The following NTN1 variants were observed in gnomAD, a reference collection of about 807,000 sequenced individuals.
The protein encoded by NTN1 is netrin-1.
Under a neutral mutation model 54.2 loss-of-function variants are expected in NTN1, and 11 were observed. The observed-to-expected ratio is 0.20, with a 90% confidence interval of 0.13 to 0.34. NTN1 has a LOEUF of 0.34. NTN1 is among the 10% of genes least tolerant of loss of function. NTN1 has a pLI of 1.00. For synonymous variants in NTN1, 371 were observed against 382.0 expected (o/e 0.97, Z 0.33); for missense variants, 740 against 893.1 (o/e 0.83, Z 2.18).
Position 9,078,258 on chromosome 17 carries a change from A to G in NTN1, c.1018+54867A>G, listed in dbSNP as rs2092058626. 5.3e-5 allele frequency among the ~76,000 whole-genome samples: 8 copies of G among 152,302 alleles called. No individual in the cohort carries two copies. The South Asian group carries it at 1.7e-3, about 32-fold the overall frequency. On this transcript the variant is annotated intron_variant, in intron 2 of 6. Coordinates refer to ENST00000173229, the MANE Select transcript of NTN1 (RefSeq NM_004822.3). ...AAGTATCATAAGCTGTGATTAAGCA[A>G]TGGGGAGGCACAGGTTGCTATCCAA...
At chr17:9,021,479 C>T (rs1043565489), upstream of NTN1, 3 of 150,974 alleles carry the variant, frequency 2.0e-5, no homozygotes, top group Admixed American at 6.6e-5. Flanking sequence ...GGCGGCCCCG[C>T]CCCCCGCCCC....
intron 6 of NTN1, among the ~76,000 whole-genome samples, chr17:9,232,556 A>G (rs1180340240): frequency 1.3e-5 from 2 of 152,144 alleles, no homozygotes; most frequent in African/African-American, 2.4e-5. Flanking sequence ...GGAAACCTTC[A>G]GCCAGCTCTA....
chr17:9,189,736 G>A (rs7211765), intron 5 of NTN1, among the ~76,000 whole-genome samples: 136,132 of 152,066 alleles, frequency 0.9, 61,001 homozygotes, highest in East Asian at 1. Context: ...ATAAACTCAA[G>A]TATCCACTGA....
chr17:9,036,379 T>C (rs950335818), intron 2 of NTN1, among the ~76,000 whole-genome samples: 1 of 126,086 alleles, frequency 7.9e-6, no homozygotes, highest in Non-Finnish European at 1.6e-5. Flanking sequence ...AAGTCGTCTC[T>C]TATCTTTTTT....
At chr17:9,149,772 T>A (rs2092322307) in intron 2 of NTN1, among the ~76,000 whole-genome samples, 1 of 152,024 alleles carries the variant, frequency 6.6e-6, no homozygotes, top group African/African-American at 2.4e-5. Context: ...GGTCTTATTA[T>A]AAGGAAGGAG....
At chr17:9,195,192 A>ACCGCCCCCCCCC (rs3031881) in intron 5 of NTN1, among the ~76,000 whole-genome samples, 12 of 142,496 alleles carry the variant, frequency 8.4e-5, no homozygotes, top group Non-Finnish European at 1.7e-4. Context: ...GGCGAGCTCT[A>ACCGCCCCCCCCC]CCACCCCTCC....
At chr17:9,015,009 A>G in the NTN1 span, among the ~76,000 whole-genome samples, 1 of 152,364 alleles carries the variant, frequency 6.6e-6, no homozygotes, top group Admixed American at 6.5e-5. Context: ...TGGACACAAT[A>G]ATATACCTAT....
intron 6 of NTN1, among the ~76,000 whole-genome samples, chr17:9,227,704 TCACACGCA>T (rs1447988245): frequency 6.0e-5 from 9 of 149,348 alleles, no homozygotes; most frequent in Non-Finnish European, 1.2e-4. Flanking sequence ...GACACACGTA[TCACACGCA>T]CACACACCAC....
chr17:9,229,107 T>A (rs9897497), intron 6 of NTN1, among the ~76,000 whole-genome samples: 3 of 1,240 alleles, frequency 2.4e-3, no homozygotes, highest in Admixed American at 0.01. Context: ...ACTGTGACTG[T>A]GAGTGTGTGA....
chr17:9,046,771 G>A (rs1289110756), intron 2 of NTN1, among the ~76,000 whole-genome samples: 3 of 151,998 alleles, frequency 2.0e-5, no homozygotes, highest in African/African-American at 7.3e-5. Context: ...GGTTGGCAGA[G>A]AAAGACCCTG....
In NTN1 at chr17:9,155,121, C is replaced by T. The variant is rs147972015; in HGVS notation, c.1019-7692C>T. On this transcript the variant is annotated intron_variant, in intron 2 of 6. Transcript: ENST00000173229. Reference sequence around the variant, plus strand: ...GTTGTTCCAGAGAGGTCCAGAAGAACGGCCTCCTTGAGTGTTAGTCTTGAC... The same window carrying T: ...GTTGTTCCAGAGAGGTCCAGAAGAATGGCCTCCTTGAGTGTTAGTCTTGAC... Among the ~76,000 whole-genome samples the T allele has an allele frequency of 2.5e-3, 384 of 152,308 alleles. 2 individuals are homozygous for T. Among genetic ancestry groups the T allele is most frequent in the African/African-American group, 8.6e-3 (359 of 41,560 alleles).
At chr17:9,014,304 C>G in the NTN1 span, among the ~76,000 whole-genome samples, 33 of 152,104 alleles carry the variant, frequency 2.2e-4, no homozygotes, top group African/African-American at 7.7e-4. Context: ...AAAGACTGTC[C>G]CTCGTACTTC....
At chr17:9,193,926 A>AAAAAAAAAAACAAAAC (rs1277619722) in intron 5 of NTN1, among the ~76,000 whole-genome samples, 2 of 134,370 alleles carry the variant, frequency 1.5e-5, no homozygotes, top group African/African-American at 5.7e-5. Context: ...CGACTAAAAA[A>AAAAAAAAAAACAAAAC]AAAAAAAAAA....
intron 2 of NTN1, among the ~76,000 whole-genome samples, chr17:9,107,212 A>G (rs1330947935): frequency 6.6e-6 from 1 of 152,226 alleles, no homozygotes; most frequent in East Asian, 1.9e-4. Flanking sequence ...TTATTACCAT[A>G]TGTGAAACTG....
At chr17:9,024,310 A>G (rs1015698530) in intron 2 of NTN1, among the ~76,000 whole-genome samples, 2 of 152,234 alleles carry the variant, frequency 1.3e-5, no homozygotes, top group Non-Finnish European at 2.9e-5. Flanking sequence ...ATAAAAAGAA[A>G]AAAAGGGTGA....
chr17:9,062,925 T>A (rs2092003364), intron 2 of NTN1, among the ~76,000 whole-genome samples: 1 of 152,198 alleles, frequency 6.6e-6, no homozygotes, highest in African/African-American at 2.4e-5. Flanking sequence ...ATTTTCAGAA[T>A]GTGTTGTATG....
intron 2 of NTN1, among the ~76,000 whole-genome samples, chr17:9,036,528 T>C (rs954084803): frequency 6.6e-6 from 1 of 151,914 alleles, no homozygotes; most frequent in Non-Finnish European, 1.5e-5. Flanking sequence ...CTCAGAGTGC[T>C]TAGATTACAG....
At chr17:9,166,264 C>G (rs147261480) in intron 3 of NTN1, among the ~76,000 whole-genome samples, 2 of 142,144 alleles carry the variant, frequency 1.4e-5, no homozygotes, top group Non-Finnish European at 1.5e-5. Flanking sequence ...TGGTTCCTTG[C>G]GAGGTTTGAT....
chr17:9,072,651 C>T (rs1335176323), intron 2 of NTN1, among the ~76,000 whole-genome samples: 3 of 152,094 alleles, frequency 2.0e-5, no homozygotes, highest in East Asian at 1.9e-4. Flanking sequence ...GGGAATGCAG[C>T]GGTGATGGGA....
Sources: allele counts gnomAD v4.1 joint callset (sites outside exome capture counted in the v4.1 genomes callset), GRCh38; gene constraint gnomAD v4.1.1; transcripts MANE v1.5; gene names NCBI Gene and HGNC (gene_info 2026-07-23, HGNC 2026-07-21).